The following BNC2 variants were observed in gnomAD, a reference collection of about 807,000 sequenced individuals.
BNC2 encodes zinc finger protein basonuclin-2.
BNC2 carries 20 observed loss-of-function variants against 76.3 expected under a neutral mutation model. The observed-to-expected ratio is 0.26, with a 90% CI of 0.18 to 0.38. BNC2 has a LOEUF of 0.38. BNC2 is among the 10% of genes least tolerant of loss of function. The pLI is 1.00. For missense variants in BNC2, 1,382 were observed against 1,399.8 expected (o/e 0.99, Z 0.20); for synonymous variants, 582 against 514.8 (o/e 1.13, Z -1.77).
chr9:16,856,132 T>C (rs1447399656), intron 1 of BNC2, among the ~76,000 whole-genome samples: 6 of 152,134 alleles, frequency 3.9e-5, no homozygotes, highest in South Asian at 2.1e-4. Flanking sequence ...AGTACATTAA[T>C]GGTAAACCCT....
In BNC2 at chr9:16,565,487, G is replaced by C. The variant is rs1819141422; in HGVS notation, c.434-12722C>G. The stretch of plus-strand genomic sequence containing the variant: ...CAGCTATGATTTGGGCCCACTTGAA[G>C]TTAATACACTAGTGAAGAAAACAGA... On this transcript the variant is annotated intron_variant, in intron 4 of 6. Coordinates refer to ENST00000380672, the MANE Select transcript of BNC2 (RefSeq NM_017637.6). 2.0e-5 allele frequency among the ~76,000 whole-genome samples: 3 copies of C among 152,096 alleles called. No homozygotes were observed. The South Asian group carries it at 6.2e-4, about 32-fold the overall frequency.
intron 1 of BNC2, among the ~76,000 whole-genome samples, chr9:16,791,590 T>C (rs1212652243): frequency 6.6e-6 from 1 of 152,136 alleles, no homozygotes; most frequent in Non-Finnish European, 1.5e-5. Context: ...ACTGATAACA[T>C]CACAGAATCA....
rs191805997 is a variant in BNC2, at chr9:16,760,723, C to T, written c.4-22238G>A. ...CATAGTCCAATGAGTCATTTGTGAA[C>T]TCACCAAAGGTGTATCTAACCACAG... On this transcript the variant is annotated intron_variant, in intron 1 of 6. Coordinates refer to ENST00000380672, the MANE Select transcript of BNC2 (RefSeq NM_017637.6). 2.2e-4 allele frequency among the ~76,000 whole-genome samples: 34 copies of T among 152,188 alleles called. No homozygotes were observed. The East Asian group carries it at 6.4e-3, about 29-fold the overall frequency.
intron 5 of BNC2, among the ~76,000 whole-genome samples, chr9:16,444,137 T>A (rs928801281): frequency 2.0e-5 from 3 of 152,172 alleles, no homozygotes; most frequent in Admixed American, 2.0e-4. Flanking sequence ...TTGCTCCTAT[T>A]AGTGGAATAT....
At chr9:16,607,153 C>T (rs1268744461) in intron 3 of BNC2, among the ~76,000 whole-genome samples, 1 of 152,138 alleles carries the variant, frequency 6.6e-6, no homozygotes, top group African/African-American at 2.4e-5. Context: ...CAGAGTCTCA[C>T]CATGTTGCCC....
At chr9:16,800,258 G>C (rs1817749311) in intron 1 of BNC2, among the ~76,000 whole-genome samples, 4 of 151,772 alleles carry the variant, frequency 2.6e-5, no homozygotes, top group Non-Finnish European at 5.9e-5. Context: ...ATGTAGAAAG[G>C]GGTGGCATGG....
intron 2 of BNC2, among the ~76,000 whole-genome samples, chr9:16,735,408 A>C (rs1888206): frequency 0.47 from 69,556 of 147,042 alleles, 19,966 homozygotes; most frequent in East Asian, 0.89. Flanking sequence ...AAAAAAAAAA[A>C]AAAAAAAAAC....
intron 5 of BNC2, among the ~76,000 whole-genome samples, chr9:16,451,802 A>G (rs917960578): frequency 2.6e-5 from 4 of 152,120 alleles, no homozygotes; most frequent in Non-Finnish European, 4.4e-5. Flanking sequence ...TTCTCTGTCA[A>G]GTAGGTCTCT....
At chr9:16,453,668 C>G (rs531279198) in intron 5 of BNC2, among the ~76,000 whole-genome samples, 7 of 152,080 alleles carry the variant, frequency 4.6e-5, no homozygotes, top group Admixed American at 2.0e-4. Context: ...AAACCTCAGC[C>G]GGGCCCAGTG....
intron 1 of BNC2, among the ~76,000 whole-genome samples, chr9:16,739,829 C>T (rs1214339362): frequency 6.6e-6 from 1 of 152,090 alleles, no homozygotes; most frequent in Non-Finnish European, 1.5e-5. Context: ...TTCTAATAGT[C>T]TGAGCACAGG....
At chr9:16,675,248 G>A (rs1822603398) in intron 3 of BNC2, among the ~76,000 whole-genome samples, 1 of 149,112 alleles carries the variant, frequency 6.7e-6, no homozygotes, top group Non-Finnish European at 1.5e-5. Context: ...GGACTAAATT[G>A]AGTTAATTTT....
chr9:16,744,045 C>A (rs904407048), intron 1 of BNC2, among the ~76,000 whole-genome samples: 7 of 152,214 alleles, frequency 4.6e-5, no homozygotes, highest in African/African-American at 1.7e-4. Flanking sequence ...CTGCTCACTG[C>A]AAGCTCCGCC....
At chr9:16,601,308 C>CATT (rs1820237498) in intron 3 of BNC2, among the ~76,000 whole-genome samples, 1 of 152,120 alleles carries the variant, frequency 6.6e-6, no homozygotes, top group African/African-American at 2.4e-5. Context: ...TTTTGTACCT[C>CATT]GGGCACCTCA....
At chr9:16,697,646 C>G (rs1823378925) in intron 3 of BNC2, among the ~76,000 whole-genome samples, 2 of 151,366 alleles carry the variant, frequency 1.3e-5, no homozygotes, top group Admixed American at 1.3e-4. Context: ...TTGCTTAAAC[C>G]TGGGAGATGG....
At chr9:16,809,767 A>G (rs10810637) in intron 1 of BNC2, among the ~76,000 whole-genome samples, 33,135 of 151,968 alleles carry the variant, frequency 0.22, 5,952 homozygotes, top group East Asian at 0.73. Flanking sequence ...ACAGTGCAAG[A>G]CTCTGTCTCA....
At chr9:16,508,526 G>A (rs1390901473) in intron 5 of BNC2, among the ~76,000 whole-genome samples, 1 of 152,186 alleles carries the variant, frequency 6.6e-6, no homozygotes, top group Non-Finnish European at 1.5e-5. Flanking sequence ...GCATGTACAT[G>A]TTGGCTTGAA....
intron 4 of BNC2, among the ~76,000 whole-genome samples, chr9:16,581,599 T>C (rs1185473471): frequency 1.3e-5 from 2 of 152,140 alleles, no homozygotes; most frequent in Non-Finnish European, 2.9e-5. Context: ...TGCCAACACT[T>C]TGATCTTGGA....
chr9:16,423,762 G>A (rs1820752481), intron 6 of BNC2, among the ~76,000 whole-genome samples: 1 of 152,142 alleles, frequency 6.6e-6, no homozygotes, highest in South Asian at 2.1e-4. Context: ...TGTTATAAGG[G>A]AATGCCACAA....
In BNC2 at chr9:16,728,016, T is replaced by C; in HGVS notation, c.130-19A>G. 1.2e-6 allele frequency: 2 copies of C among 1,610,306 alleles called. No individual in the cohort carries two copies. The highest frequency in any genetic ancestry group is 1.7e-6 in the Non-Finnish European group (2 of 1,178,820). ...CTTCTGACTGAAAAGTGAAGGTGGATTTTTTGAGCCTCTTGGCAGCCAGTA... is the reference window on the plus strand; with the variant it reads ...CTTCTGACTGAAAAGTGAAGGTGGACTTTTTGAGCCTCTTGGCAGCCAGTA... On this transcript the variant is annotated intron_variant, in intron 2 of 6. Coordinates refer to ENST00000380672, the MANE Select transcript of BNC2 (RefSeq NM_017637.6).
Sources: allele counts gnomAD v4.1 joint callset (sites outside exome capture counted in the v4.1 genomes callset), GRCh38; gene constraint gnomAD v4.1.1; transcripts MANE v1.5; gene names NCBI Gene and HGNC (gene_info 2026-07-23, HGNC 2026-07-21).